The following ACOT7 variants were observed in gnomAD, a reference collection of about 807,000 sequenced individuals.
The protein encoded by ACOT7 is acyl-CoA thioesterase 7.
A neutral mutation model predicts 40.2 loss-of-function variants in ACOT7; 12 were observed. That is an observed-to-expected ratio of 0.30 (90% CI 0.19 to 0.48). The LOEUF is 0.48. Among genes scored for constraint, ACOT7 ranks in the 20% least tolerant of loss-of-function variants. ACOT7 has a pLI of 0.99. For synonymous variants in ACOT7, 228 were observed against 219.5 expected, an observed-to-expected ratio of 1.04 and a Z score of -0.34; for missense variants, 395 against 530.8, an observed-to-expected ratio of 0.74 and a Z score of 2.51.
At chr1:6,371,672 A>T (rs1642136479) in intron 1 of ACOT7, among the ~76,000 whole-genome samples, 1 of 152,062 alleles carries the variant, frequency 6.6e-6, no homozygotes, top group South Asian at 2.1e-4. Flanking sequence ...TGTCCTTGGA[A>T]GCCAGGCATT....
intron 7 of ACOT7, among the ~76,000 whole-genome samples, chr1:6,293,999 A>G (rs925192673): frequency 5.3e-5 from 8 of 152,060 alleles, no homozygotes; most frequent in Admixed American, 5.2e-4. Flanking sequence ...TGGCAAGGAG[A>G]GCCAAGCTTG....
At chr1:6,310,241 G>A (rs1002857970) in intron 6 of ACOT7, among the ~76,000 whole-genome samples, 1 of 152,238 alleles carries the variant, frequency 6.6e-6, no homozygotes, top group Non-Finnish European at 1.5e-5. Context: ...GAAAAGGTGG[G>A]AAGAGGGTGA....
At chr1:6,305,017 C>T (rs1227971563) in intron 6 of ACOT7, among the ~76,000 whole-genome samples, 1 of 149,182 alleles carries the variant, frequency 6.7e-6, no homozygotes, top group Non-Finnish European at 1.5e-5. Flanking sequence ...GCTGGCCGGG[C>T]GGGGCGCTGA....
intron 8 of ACOT7, among the ~76,000 whole-genome samples, chr1:6,265,961 T>G (rs1297904177): frequency 6.6e-6 from 1 of 152,146 alleles, no homozygotes; most frequent in Admixed American, 6.5e-5. Flanking sequence ...CCCTCAGCTC[T>G]CTCCAAAATC....
chr1:6,354,169 G>A (rs540133335), intron 1 of ACOT7, among the ~76,000 whole-genome samples: 1 of 152,036 alleles, frequency 6.6e-6, no homozygotes, highest in Non-Finnish European at 1.5e-5. Flanking sequence ...CCCGGCCGGT[G>A]TCCCCTCTGG....
At chr1:6,320,514 G>A (rs72854400) in intron 5 of ACOT7, among the ~76,000 whole-genome samples, 14,846 of 152,166 alleles carry the variant, frequency 0.098, 1,859 homozygotes, top group African/African-American at 0.29. Flanking sequence ...CTTTGGTCCC[G>A]TAGCTCCATT....
chr1:6,356,590 G>A (rs999791474), intron 1 of ACOT7, among the ~76,000 whole-genome samples: 3 of 152,168 alleles, frequency 2.0e-5, no homozygotes, highest in African/African-American at 7.2e-5. Flanking sequence ...ACGACCAGCT[G>A]GGAGTGTCAC....
chr1:6,270,583 G>A (rs1432417287), intron 8 of ACOT7, among the ~76,000 whole-genome samples: 1 of 152,232 alleles, frequency 6.6e-6, no homozygotes, highest in Non-Finnish European at 1.5e-5. Flanking sequence ...GGGGCAGCAT[G>A]GCCAGGAGCA....
intron 6 of ACOT7, among the ~76,000 whole-genome samples, chr1:6,308,730 G>A (rs139162337): frequency 3.5e-4 from 54 of 152,276 alleles, no homozygotes; most frequent in Middle Eastern, 3.4e-3. Context: ...CAACCAGGCA[G>A]AGAGAACCAT....
At chr1:6,327,186 G>T in intron 5 of ACOT7, 113 bp downstream of exon 5, 2 of 1,081,522 alleles carry the variant, frequency 1.8e-6, no homozygotes, top group Non-Finnish European at 2.7e-6. Flanking sequence ...CGGAGAGCAT[G>T]CTCAGCACCT....
intron 1 of ACOT7, chr1:6,360,485 C>G: frequency 6.4e-7 from 1 of 1,555,084 alleles, no homozygotes; most frequent in Non-Finnish European, 8.8e-7. Flanking sequence ...CGTCTCCCAC[C>G]CTGGCACACA....
At chr1:6,290,475 A>G (rs1284203438) in intron 7 of ACOT7, among the ~76,000 whole-genome samples, 1 of 152,198 alleles carries the variant, frequency 6.6e-6, no homozygotes, top group Non-Finnish European at 1.5e-5. Flanking sequence ...ACCGGCTGCC[A>G]TGGCCCTGCT....
intron 1 of ACOT7, among the ~76,000 whole-genome samples, chr1:6,374,150 C>T (rs143275184): frequency 3.9e-5 from 6 of 152,318 alleles, no homozygotes; most frequent in South Asian, 2.1e-4. Flanking sequence ...GCAGCAGGTG[C>T]GATGAAGTCA....
intron 1 of ACOT7, among the ~76,000 whole-genome samples, chr1:6,392,834 G>A (rs1642555233): frequency 6.6e-6 from 1 of 152,176 alleles, no homozygotes; most frequent in Admixed American, 6.5e-5. Flanking sequence ...CCGAGGTAAT[G>A]ATCCCGAATC....
intron 1 of ACOT7, among the ~76,000 whole-genome samples, chr1:6,373,270 A>G (rs1642166920): frequency 6.6e-6 from 1 of 150,414 alleles, no homozygotes; most frequent in African/African-American, 2.4e-5. Flanking sequence ...TTTTTTTTTG[A>G]GAAGGAGTCT....
chr1:6,364,124 G>A lies in ACOT7; in HGVS notation c.144-14258C>T, dbSNP rs556992504. 3.9e-5 allele frequency among the ~76,000 whole-genome samples: 6 copies of A among 152,314 alleles called. No individual in the cohort carries two copies. The South Asian group carries it at 1.2e-3, about 32-fold the overall frequency. Reference sequence around the variant, plus strand: ...CCCACCACTTTGGGAGGCTGAGGCAGGAGGATCACTTGAGCCCAGGAATTC... The same window carrying A: ...CCCACCACTTTGGGAGGCTGAGGCAAGAGGATCACTTGAGCCCAGGAATTC... On this transcript the variant is annotated intron_variant, in intron 1 of 8. Transcript: ENST00000361521.
At position 6,393,518 on chromosome 1, in the gene ACOT7, C is replaced by A. The variant is rs1211320680; in HGVS notation, c.-119G>T. On this transcript the variant is annotated 5_prime_UTR_variant, in exon 1 of 9. Coordinates refer to ENST00000361521, the MANE Select transcript of ACOT7 (RefSeq NM_007274.4). The stretch of plus-strand genomic sequence containing the variant: ...CCCCGCGCCGGCCCCACCCCGAGCC[C>A]CGCCTCCCAGGCCGCCAAGGCTGCA... 3.7e-5 allele frequency: 35 copies of A among 956,334 alleles called. No individual in the cohort carries two copies. The highest frequency in any genetic ancestry group is 4.7e-5 in the Non-Finnish European group (35 of 746,190). 59.2% of individuals were successfully genotyped at this position (956,334 alleles called of 1,614,324 possible). A position where few individuals can be genotyped will look rare whatever the true frequency, so the allele number is the denominator to read the frequency against.
Position 6,282,574 on chromosome 1 carries a change from C to T in ACOT7, c.830-1288G>A, listed in dbSNP as rs1207125480. The T allele has an allele frequency of 2.1e-6, 1 of 486,110 alleles. No individual in the cohort carries two copies. Among genetic ancestry groups the T allele is most frequent in the Non-Finnish European group, 3.6e-6 (1 of 275,198 alleles). The allele number at this position is 486,110 out of a possible 1,614,324, so 30.1% of individuals were successfully genotyped here. A position where few individuals can be genotyped will look rare whatever the true frequency, so the allele number is the denominator to read the frequency against. On this transcript the variant is annotated intron_variant, in intron 7 of 8. Coordinates refer to ENST00000361521, the MANE Select transcript of ACOT7 (RefSeq NM_007274.4). The surrounding 1 kb of genome is among the most constrained non-coding windows in gnomAD (Gnocchi z 4.5). ...CCCCAGTGTCCTAGCTGCACCGAGA[C>T]CAGCCTCACAAGGCAGGTTTAGAGA...
At chr1:6,296,291 A>C (rs957687369) in intron 6 of ACOT7, among the ~76,000 whole-genome samples, 1 of 152,226 alleles carries the variant, frequency 6.6e-6, no homozygotes, top group Admixed American at 6.5e-5. Context: ...AGAATACTGG[A>C]GAATACTCGG....
Sources: allele counts gnomAD v4.1 joint callset (sites outside exome capture counted in the v4.1 genomes callset), GRCh38; gene constraint gnomAD v4.1.1; non-coding constraint Gnocchi (gnomAD v3.1); transcripts MANE v1.5; gene names NCBI Gene and HGNC (gene_info 2026-07-23, HGNC 2026-07-21).